The following MAP4K3 variants were observed in gnomAD, a reference collection of about 807,000 sequenced individuals.
The protein encoded by MAP4K3 is mitogen-activated protein kinase kinase kinase kinase 3.
Under a neutral mutation model 143.5 loss-of-function variants are expected in MAP4K3, and 94 were observed. The ratio of observed to expected loss-of-function variants is 0.65; its 90% CI spans 0.55 to 0.78. The LOEUF (loss-of-function observed/expected upper bound fraction) is 0.78. Among genes scored for constraint, MAP4K3 ranks in the 30% least tolerant of loss-of-function variants. The probability of loss-of-function intolerance (pLI) is 0.00; values close to 1 mark genes in which losing one functional copy is unlikely to be tolerated. For synonymous variants in MAP4K3, 416 were observed against 347.2 expected, an observed-to-expected ratio of 1.20 and a Z score of -2.20; for missense variants, 1,077 against 1,068.1, an observed-to-expected ratio of 1.01 and a Z score of -0.12.
chr2:39,405,676 T>C (rs1667074693), intron 1 of MAP4K3, among the ~76,000 whole-genome samples: 1 of 152,148 alleles, frequency 6.6e-6, no homozygotes, highest in African/African-American at 2.4e-5. Context: ...AAGACCAGCT[T>C]GGGCAACGTG....
chr2:39,308,386 C>T (rs1682795036), intron 14 of MAP4K3, among the ~76,000 whole-genome samples: 1 of 152,110 alleles, frequency 6.6e-6, no homozygotes, highest in Non-Finnish European at 1.5e-5. Flanking sequence ...AAGACTTTTT[C>T]TTTAACATCC....
At chr2:39,436,334 T>TTGCTCTTTC (rs2148644133) in intron 1 of MAP4K3, among the ~76,000 whole-genome samples, 1 of 145,816 alleles carries the variant, frequency 6.9e-6, no homozygotes, top group Non-Finnish European at 1.5e-5. Flanking sequence ...AAAAAAAAAG[T>TTGCTCTTTC]CATTACTCTG....
chr2:39,312,889 G>C (rs1447691510), intron 13 of MAP4K3, among the ~76,000 whole-genome samples: 1 of 152,164 alleles, frequency 6.6e-6, no homozygotes, highest in Non-Finnish European at 1.5e-5. Context: ...TATCTGCCTT[G>C]TGTTATTGCC....
chr2:39,374,594 A>G (rs985912710), intron 2 of MAP4K3, among the ~76,000 whole-genome samples: 8 of 152,172 alleles, frequency 5.3e-5, no homozygotes, highest in East Asian at 3.9e-4. Flanking sequence ...AGGCAGGAGA[A>G]TCACTTGAAC....
chr2:39,352,753 G>T lies in MAP4K3; in HGVS notation c.245+3496C>A, dbSNP rs55649294. Among the ~76,000 whole-genome samples the T allele has an allele frequency of 8.7e-3, 1,320 of 152,092 alleles. 23 individuals are homozygous for T. The highest frequency in any genetic ancestry group is 0.03 in the African/African-American group (1,228 of 41,472). ...GAGCACAGCTACCCTGATATAAAAT[G>T]GACTTCTGAAACTTAATTATATGCT... On this transcript the variant is annotated intron_variant, in intron 3 of 33. Transcript: ENST00000263881.
intron 2 of MAP4K3, among the ~76,000 whole-genome samples, chr2:39,358,757 G>T (rs1421512527): frequency 1.3e-5 from 2 of 152,146 alleles, no homozygotes; most frequent in African/African-American, 4.8e-5. Flanking sequence ...AAAGAACTTT[G>T]TTCAAGGCTC....
At chr2:39,270,156 C>A (rs1212036730) in intron 26 of MAP4K3, among the ~76,000 whole-genome samples, 2 of 152,134 alleles carry the variant, frequency 1.3e-5, no homozygotes, top group Admixed American at 6.5e-5. Flanking sequence ...CTGCCAAGTT[C>A]TGAAAGACCA....
chr2:39,432,510 G>C (rs776813791), intron 1 of MAP4K3, among the ~76,000 whole-genome samples: 11 of 152,178 alleles, frequency 7.2e-5, no homozygotes, highest in African/African-American at 2.4e-4. Flanking sequence ...ATCCTAAATG[G>C]AAGTAAATAG....
rs1344984221 is a variant in MAP4K3, at chr2:39,293,240, ATTC to A, written c.1204_1206del (p.Glu402del). 2.6e-6 allele frequency: 4 copies of A among 1,550,194 alleles called. No homozygotes were observed. The highest frequency in any genetic ancestry group is 1.2e-5 in the South Asian group (1 of 81,996). The stretch of plus-strand genomic sequence containing the variant: ...AAAAATTAAAATTACCGCTGATGCA[ATTC>A]TTCTTCAACAGACTTGAGAAGACTC... On this transcript the variant is annotated inframe_deletion, in exon 17 of 34. Transcript: ENST00000263881.
intron 18 of MAP4K3, among the ~76,000 whole-genome samples, chr2:39,291,970 A>C (rs545478630): frequency 6.6e-6 from 1 of 152,212 alleles, no homozygotes; most frequent in Non-Finnish European, 1.5e-5. Context: ...ACTTTACCCA[A>C]GATCAACCTA....
intron 1 of MAP4K3, among the ~76,000 whole-genome samples, chr2:39,385,309 G>A (rs553844171): frequency 6.6e-6 from 1 of 151,982 alleles, no homozygotes; most frequent in African/African-American, 2.4e-5. Context: ...AGCAACGCAT[G>A]GTGGGGTTCC....
intron 1 of MAP4K3, among the ~76,000 whole-genome samples, chr2:39,435,234 T>A (rs1665422177): frequency 6.6e-6 from 1 of 152,060 alleles, no homozygotes; most frequent in Admixed American, 6.6e-5. Context: ...TCCATTCCAC[T>A]CTTCATGCTG....
intron 27 of MAP4K3, among the ~76,000 whole-genome samples, chr2:39,265,596 T>C (rs1307938721): frequency 6.6e-6 from 1 of 152,202 alleles, no homozygotes; most frequent in African/African-American, 2.4e-5. Flanking sequence ...CTTATGATGG[T>C]AGGAAAATTA....
intron 22 of MAP4K3, among the ~76,000 whole-genome samples, chr2:39,281,436 T>C (rs184611438): frequency 7.7e-4 from 118 of 152,268 alleles, no homozygotes; most frequent in African/African-American, 2.5e-3. Context: ...AGCAGACCAA[T>C]AGAAACATGT....
intron 1 of MAP4K3, among the ~76,000 whole-genome samples, chr2:39,422,944 A>C (rs1425585539): frequency 6.6e-6 from 1 of 152,196 alleles, no homozygotes; most frequent in African/African-American, 2.4e-5. Context: ...CATTAAAATT[A>C]AAAACTTCTG....
chr2:39,420,835 G>T (rs991182073), intron 1 of MAP4K3, among the ~76,000 whole-genome samples: 1 of 152,072 alleles, frequency 6.6e-6, no homozygotes, highest in Non-Finnish European at 1.5e-5. Context: ...TTATTCTCAG[G>T]TGTCCACTAT....
chr2:39,297,938 C>T (rs1440075880), intron 16 of MAP4K3, among the ~76,000 whole-genome samples: 3 of 152,010 alleles, frequency 2.0e-5, no homozygotes, highest in South Asian at 2.1e-4. Flanking sequence ...ACGAAAATGT[C>T]TAACAATCAG....
rs575340764 is a variant in MAP4K3 at position 39,330,633 on chromosome 2, G to GAAAACA, written c.530+1278_530+1283dup. 1.5e-3 allele frequency among the ~76,000 whole-genome samples: 226 copies of GAAAACA among 151,990 alleles called. 2 individuals are homozygous for GAAAACA. The highest frequency in any genetic ancestry group is 4.8e-3 in the African/African-American group (199 of 41,494). Reference sequence around the variant, plus strand: ...ATGACTCCAGGAAGGATTATTCTAGGAAAACAAAAACAAAAACAAAAATAA... The same window carrying GAAAACA: ...ATGACTCCAGGAAGGATTATTCTAGGAAAACAAAAACAAAAACAAAAACAAAAATAA... On this transcript the variant is annotated intron_variant, in intron 8 of 33. Coordinates refer to ENST00000263881, the MANE Select transcript of MAP4K3 (RefSeq NM_003618.4).
At chr2:39,342,282 G>A (rs1205232585) in intron 4 of MAP4K3, among the ~76,000 whole-genome samples, 2 of 152,030 alleles carry the variant, frequency 1.3e-5, no homozygotes, top group African/African-American at 2.4e-5. Context: ...AGGATTACAA[G>A]CACCCACCAT....
Sources: gnomAD v4.1 joint callset for allele counts (sites outside exome capture counted in the v4.1 genomes callset) on GRCh38, gnomAD v4.1.1 for gene constraint, MANE v1.5 for transcripts, NCBI Gene and HGNC (gene_info 2026-07-23, HGNC 2026-07-21) for gene names.